MMP26: variants seen among roughly 807,000 people sequenced by gnomAD.
The protein encoded by MMP26 is matrix metalloproteinase-26.
Under a neutral mutation model 31.0 loss-of-function variants are expected in MMP26, and 33 were observed. The observed-to-expected ratio is 1.06, with a 90% CI of 0.81 to 1.42. The LOEUF (loss-of-function observed/expected upper bound fraction) is 1.42. MMP26 is among the 40% of genes most tolerant of loss of function. The pLI is 0.00. For missense variants in MMP26, 347 were observed against 316.1 expected (o/e 1.10, Z -0.74); for synonymous variants, 122 against 114.9 (o/e 1.06, Z -0.40).
chr11:4,835,203 G>GACACACACACACACACACACACAC lies in MMP26; in HGVS notation c.-145+67870_-145+67893dup, dbSNP rs3064937. 1.1e-4 allele frequency among the ~76,000 whole-genome samples: 16 copies of GACACACACACACACACACACACAC among 143,236 alleles called. 1 individual carries two copies. The highest frequency in any genetic ancestry group is 3.2e-4 in the African/African-American group (12 of 37,764). 94.0% of individuals were successfully genotyped at this position (143,236 alleles called of 152,430 possible). A position where few individuals can be genotyped will look rare whatever the true frequency, so the allele number is the denominator to read the frequency against. On this transcript the variant is annotated intron_variant, in intron 2 of 7. Coordinates refer to ENST00000380390, the MANE Select transcript of MMP26 (RefSeq NM_021801.5). ...TCTCTCTCTCTTCCTCTCTCTTTCT[G>GACACACACACACACACACACACAC]ACACACACACACACACACACACACA...
chr11:4,903,065 T>C (rs1304758175), intron 2 of MMP26, among the ~76,000 whole-genome samples: 3 of 152,072 alleles, frequency 2.0e-5, no homozygotes, highest in Non-Finnish European at 4.4e-5. Context: ...ATTTTATACA[T>C]TTTTACTTAA....
At chr11:4,861,851 C>A (rs1391736845) in intron 2 of MMP26, among the ~76,000 whole-genome samples, 2 of 152,080 alleles carry the variant, frequency 1.3e-5, no homozygotes, top group Non-Finnish European at 2.9e-5. Flanking sequence ...TCATCTCAAG[C>A]AAAACTCCTT....
intron 2 of MMP26, among the ~76,000 whole-genome samples, chr11:4,953,501 AG>A (rs34970548): frequency 0.23 from 28,667 of 123,746 alleles, 8,955 homozygotes; most frequent in Non-Finnish European, 0.25. Context: ...GATAAAAGAG[AG>A]GGTCATAATA....
chr11:4,901,229 G>C (rs528532540), intron 2 of MMP26, among the ~76,000 whole-genome samples: 1 of 128,144 alleles, frequency 7.8e-6, no homozygotes, highest in African/African-American at 3.0e-5. Context: ...CGTGATCTCC[G>C]CTCACTGCAA....
At chr11:4,738,213 C>T (rs1370397727) in intron 1 of MMP26, among the ~76,000 whole-genome samples, 2 of 152,172 alleles carry the variant, frequency 1.3e-5, no homozygotes, top group African/African-American at 2.4e-5. Context: ...TCTCTTGCTG[C>T]CTCCCTTCCT....
intron 2 of MMP26, among the ~76,000 whole-genome samples, chr11:4,854,598 A>G (rs1294563457): frequency 6.6e-6 from 1 of 152,222 alleles, no homozygotes; most frequent in African/African-American, 2.4e-5. Flanking sequence ...CCTCAGCTCA[A>G]GGAGGCCTGC....
At chr11:4,804,360 G>A (rs1030898597) in intron 2 of MMP26, 5 of 1,614,110 alleles carry the variant, frequency 3.1e-6, no homozygotes, top group Non-Finnish European at 4.2e-6. Flanking sequence ...GAGAAGAGCT[G>A]TTCCCTGAAG....
chr11:4,784,726 G>T lies in MMP26; in HGVS notation c.-145+17385G>T, dbSNP rs1202570558. ...AGAACAGAGATGGTACATTTGATTT[G>T]TTTTAAGCCACCAAGTTTGTGGTAA... On this transcript the variant is annotated intron_variant, in intron 2 of 7. Transcript: ENST00000380390. Among the ~76,000 whole-genome samples, 4 of 152,132 alleles carry T rather than the reference G, an allele frequency of 2.6e-5. No homozygotes were observed. In the South Asian group the frequency reaches 8.3e-4, roughly 32 times the overall value.
rs1847014587 is a variant in MMP26 at position 4,992,060 on chromosome 11, G to A, written c.692G>A (p.Trp231Ter). Reference sequence around the variant, plus strand: ...AGCTCCATAATGTACCCCACTTACTGGTATCACGACCCTAGAACCTTCCAG... The same window carrying A: ...AGCTCCATAATGTACCCCACTTACTAGTATCACGACCCTAGAACCTTCCAG... ...NQSSIMYPTY[W>*]YHDPRTFQLS... The change falls in exon 7 of 8, where the codon TGG (tryptophan) becomes TAG (stop). Residue 231 changes from tryptophan (W) to a stop codon, truncating the protein, a stop_gained. Transcript: ENST00000380390. LOFTEE classifies it high-confidence loss of function. 7 of 1,613,820 alleles carry A rather than the reference G, an allele frequency of 4.3e-6. No individual in the cohort carries two copies. The East Asian group carries it at 1.3e-4, about 31-fold the overall frequency.
chr11:4,890,979 G>GAAGAATAAT (rs146108058), intron 2 of MMP26, among the ~76,000 whole-genome samples: 51 of 137,128 alleles, frequency 3.7e-4, no homozygotes, highest in Non-Finnish European at 7.1e-4. Context: ...AATGAACTCA[G>GAAGAATAAT]AATAATAATA....
Position 4,988,215 on chromosome 11 carries a change from C to T in MMP26, c.4C>T (p.Gln2Ter). Residue 2 changes from glutamine (Q) to a stop codon, truncating the protein, a stop_gained, in exon 3 of 8, where the codon CAG becomes TAG. Coordinates refer to ENST00000380390, the MANE Select transcript of MMP26 (RefSeq NM_021801.5). LOFTEE classifies it high-confidence loss of function. The part of the protein sequence containing the change: M[Q>*]LVILRVTIFL... ...GTGGGACAAATGAGGGTTTGGCATG[C>T]AGCTCGTCATCTTAAGAGTTACTAT... The T allele has an allele frequency of 1.9e-6, 3 of 1,613,984 alleles. No individual in the cohort carries two copies. The highest frequency in any genetic ancestry group is 2.5e-6 in the Non-Finnish European group (3 of 1,179,910).
At chr11:4,861,852 A>G (rs1335124129) in intron 2 of MMP26, among the ~76,000 whole-genome samples, 1 of 152,136 alleles carries the variant, frequency 6.6e-6, no homozygotes, top group East Asian at 1.9e-4. Flanking sequence ...CATCTCAAGC[A>G]AAACTCCTTT....
At chr11:4,986,141 G>A (rs547318710) in intron 2 of MMP26, among the ~76,000 whole-genome samples, 3 of 152,116 alleles carry the variant, frequency 2.0e-5, no homozygotes, top group Admixed American at 1.3e-4. Flanking sequence ...GATTTGAAGC[G>A]AATTTTCTCT....
chr11:4,799,460 A>G (rs1052900280), intron 2 of MMP26, among the ~76,000 whole-genome samples: 1 of 152,308 alleles, frequency 6.6e-6, no homozygotes, highest in Non-Finnish European at 1.5e-5. Flanking sequence ...GTGCTAAGCC[A>G]TTCATGAGAG....
chr11:4,737,194 C>T (rs369605603), intron 1 of MMP26: 5 of 152,198 alleles, frequency 3.3e-5, no homozygotes, highest in African/African-American at 1.2e-4. Context: ...TTTCTAATAA[C>T]TGTAGTCAGA....
chr11:4,915,531 G>T (rs1231509468), intron 2 of MMP26: 2 of 1,613,986 alleles, frequency 1.2e-6, no homozygotes, highest in African/African-American at 2.7e-5. Context: ...CAGTTGCCCG[G>T]GATGGAAACC....
At chr11:4,961,442 A>G (rs1846519581) in intron 2 of MMP26, among the ~76,000 whole-genome samples, 1 of 152,172 alleles carries the variant, frequency 6.6e-6, no homozygotes, top group South Asian at 2.1e-4. Context: ...AAATACCCTC[A>G]CGGACACATC....
intron 1 of MMP26, chr11:4,723,810 G>T: frequency 6.4e-7 from 1 of 1,570,114 alleles, no homozygotes; most frequent in East Asian, 2.2e-5. Flanking sequence ...GGCTCCACTT[G>T]GTCTCCAGCA....
At chr11:4,978,917 C>A (rs998438465) in intron 2 of MMP26, among the ~76,000 whole-genome samples, 1 of 151,952 alleles carries the variant, frequency 6.6e-6, no homozygotes. Context: ...AAAGAAGTTA[C>A]GAGAATAAGA....
Sources: gnomAD v4.1 joint callset for allele counts (sites outside exome capture counted in the v4.1 genomes callset) on GRCh38, gnomAD v4.1.1 for gene constraint, MANE v1.5 for transcripts, NCBI Gene and HGNC (gene_info 2026-07-23, HGNC 2026-07-21) for gene names.